SNX30: variants seen among roughly 807,000 people sequenced by gnomAD.
The protein encoded by SNX30 is sorting nexin-30.
In SNX30, 24 loss-of-function variants were observed where a neutral mutation model predicts 46.4. That is an observed-to-expected ratio of 0.52 (90% CI 0.37 to 0.73). SNX30 has a LOEUF of 0.73. Ranked by LOEUF, SNX30 falls within the 30% of genes least tolerant of loss-of-function variation. The pLI is 0.00. For missense variants in SNX30, 533 were observed against 555.7 expected (o/e 0.96, Z 0.41); for synonymous variants, 189 against 211.5 (o/e 0.89, Z 0.92).
chr9:112,860,963 G>A (rs1011663184), intron 7 of SNX30, among the ~76,000 whole-genome samples: 4 of 152,174 alleles, frequency 2.6e-5, no homozygotes, highest in Non-Finnish European at 2.9e-5. Context: ...TGTTGCAGGG[G>A]TAAGAAGAAT....
Position 112,869,034 on chromosome 9 carries a change from T to C in SNX30, c.*191T>C. Reference sequence around the variant, plus strand: ...TTAGTATTTATTCCATGGTGGAGTCTGTGAGGCTAGAATATCTCTCAGCAA... The same window carrying C: ...TTAGTATTTATTCCATGGTGGAGTCCGTGAGGCTAGAATATCTCTCAGCAA... On this transcript the variant is annotated 3_prime_UTR_variant, in exon 9 of 9. Transcript: ENST00000374232. The C allele has an allele frequency of 1.6e-6, 1 of 606,636 alleles. No homozygotes were observed. The highest frequency in any genetic ancestry group is 1.9e-5 in the South Asian group (1 of 53,156). 37.6% of individuals were successfully genotyped at this position (606,636 alleles called of 1,614,324 possible). A position where few individuals can be genotyped will look rare whatever the true frequency, so the allele number is the denominator to read the frequency against.
At chr9:112,865,344 C>A (rs373312058) in intron 8 of SNX30, among the ~76,000 whole-genome samples, 6 of 151,966 alleles carry the variant, frequency 3.9e-5, no homozygotes, top group African/African-American at 1.2e-4. Flanking sequence ...CAGTGCGAGG[C>A]CAGGTGCAGT....
intron 7 of SNX30, 57 bp downstream of exon 7, chr9:112,851,002 G>C (rs368945061): frequency 4.7e-5 from 64 of 1,366,020 alleles, no homozygotes; most frequent in Non-Finnish European, 6.0e-5. Flanking sequence ...CTGGTGCTAA[G>C]TAAATTCTCA....
At chr9:112,823,891 T>A (rs758435391) in intron 3 of SNX30, among the ~76,000 whole-genome samples, 3 of 152,254 alleles carry the variant, frequency 2.0e-5, no homozygotes, top group Non-Finnish European at 2.9e-5. Flanking sequence ...TGGTGATTAT[T>A]GTTTTTAATC....
chr9:112,881,986 G>A (rs4979177), downstream of SNX30, among the ~76,000 whole-genome samples: 125,055 of 152,140 alleles, frequency 0.82, 52,563 homozygotes, highest in Non-Finnish European at 0.91. Context: ...GAGGGGAGGC[G>A]ACTGTGGCTG....
At chr9:112,759,974 A>G (rs1030972921) in intron 1 of SNX30, among the ~76,000 whole-genome samples, 5 of 152,158 alleles carry the variant, frequency 3.3e-5, no homozygotes, top group Non-Finnish European at 7.4e-5. Flanking sequence ...GGTGGTTGTT[A>G]TTCCTTGATA....
downstream of SNX30, chr9:112,875,170 C>T (rs1268979055): frequency 2.6e-5 from 4 of 152,092 alleles, no homozygotes; most frequent in African/African-American, 7.2e-5. Context: ...TCTTTATAGG[C>T]CCAGTTTACC....
At chr9:112,843,884 C>T (rs1044197527) in intron 6 of SNX30, among the ~76,000 whole-genome samples, 28 of 152,108 alleles carry the variant, frequency 1.8e-4, no homozygotes, top group Non-Finnish European at 2.2e-4. Context: ...AATGCAGTAG[C>T]GTCTTAAAGA....
chr9:112,882,058 T>C (rs1426595406), downstream of SNX30, among the ~76,000 whole-genome samples: 2 of 152,116 alleles, frequency 1.3e-5, no homozygotes, highest in African/African-American at 4.8e-5. Flanking sequence ...CAGGCCAGCT[T>C]ATGCAGGGCT....
intron 1 of SNX30, among the ~76,000 whole-genome samples, chr9:112,781,177 T>G (rs1299173722): frequency 6.6e-6 from 1 of 152,228 alleles, no homozygotes; most frequent in Non-Finnish European, 1.5e-5. Context: ...TTAATCTTTG[T>G]CACTTTGGTG....
At chr9:112,853,629 A>C (rs1841069162) in intron 7 of SNX30, among the ~76,000 whole-genome samples, 1 of 152,276 alleles carries the variant, frequency 6.6e-6, no homozygotes, top group Non-Finnish European at 1.5e-5. Context: ...GAAAACAAAT[A>C]ACTGCATGAT....
Position 112,804,975 on chromosome 9 carries a change from C to A in SNX30, c.348+8C>A. 2 of 1,579,416 alleles carry A rather than the reference C, an allele frequency of 1.3e-6. No homozygotes were observed. The highest frequency in any genetic ancestry group is 1.7e-6 in the Non-Finnish European group (2 of 1,158,674). ...TATAGGATCACCACCAAAGTAGGTCCCTGTGTTATAGAATGCCCGTGTTGA... is the reference window on the plus strand; with the variant it reads ...TATAGGATCACCACCAAAGTAGGTCACTGTGTTATAGAATGCCCGTGTTGA... On this transcript the variant is annotated splice_region_variant and intron_variant, in intron 2 of 8. Transcript: ENST00000374232.
intron 3 of SNX30, among the ~76,000 whole-genome samples, chr9:112,824,200 T>G (rs17743418): frequency 0.064 from 9,714 of 152,262 alleles, 385 homozygotes; most frequent in Non-Finnish European, 0.091. Context: ...TTTCAGATTA[T>G]AAAACAGCTT....
At chr9:112,831,760 T>C (rs1337269954) in intron 4 of SNX30, among the ~76,000 whole-genome samples, 1 of 152,250 alleles carries the variant, frequency 6.6e-6, no homozygotes, top group Admixed American at 6.5e-5. Flanking sequence ...CAAACTCAAG[T>C]TGGTTGTCCA....
intron 2 of SNX30, among the ~76,000 whole-genome samples, chr9:112,810,200 T>G (rs749881577): frequency 6.6e-6 from 1 of 152,154 alleles, no homozygotes; most frequent in Non-Finnish European, 1.5e-5. Flanking sequence ...TTTATGGGCT[T>G]TTTGATAAAT....
intron 1 of SNX30, among the ~76,000 whole-genome samples, chr9:112,766,633 G>GC (rs1253741668): frequency 6.6e-6 from 1 of 152,128 alleles, no homozygotes; most frequent in Non-Finnish European, 1.5e-5. Context: ...GTCTTCCCCA[G>GC]CCCTAGGTCA....
chr9:112,857,816 CTATT>C (rs1380663177), intron 7 of SNX30, among the ~76,000 whole-genome samples: 12 of 151,128 alleles, frequency 7.9e-5, no homozygotes, highest in Non-Finnish European at 3.0e-5. Flanking sequence ...ATCCATCTAT[CTATT>C]TATTTATTGC....
chr9:112,784,712 A>G (rs1459657006), intron 1 of SNX30, among the ~76,000 whole-genome samples: 1 of 152,164 alleles, frequency 6.6e-6, no homozygotes, highest in Non-Finnish European at 1.5e-5. Context: ...AGTAGGTTTA[A>G]GTGGTTTTCT....
chr9:112,826,997 G>T (rs1840588025), intron 3 of SNX30, among the ~76,000 whole-genome samples: 2 of 152,270 alleles, frequency 1.3e-5, no homozygotes, highest in South Asian at 2.1e-4. Flanking sequence ...CCTTGTGTGG[G>T]TCTGTAATTT....
Sources: gnomAD v4.1 joint callset for allele counts (sites outside exome capture counted in the v4.1 genomes callset) on GRCh38, gnomAD v4.1.1 for gene constraint, MANE v1.5 for transcripts, NCBI Gene and HGNC (gene_info 2026-07-23, HGNC 2026-07-21) for gene names.